OTOG: variants seen among roughly 807,000 people sequenced by gnomAD.
The protein encoded by OTOG is otogelin.
OTOG carries 296 observed loss-of-function variants against 313.8 expected under a neutral mutation model. The ratio of observed to expected loss-of-function variants is 0.94; its 90% CI spans 0.86 to 1.04. OTOG has a LOEUF of 1.04. Ranked by LOEUF, OTOG falls within the 50% of genes least tolerant of loss-of-function variation. The pLI is 0.00. For missense variants in OTOG, 3,948 were observed against 3,840.1 expected, an observed-to-expected ratio of 1.03 and a Z score of -0.74; for synonymous variants, 1,533 against 1,554.9, an observed-to-expected ratio of 0.99 and a Z score of 0.33.
At position 17,613,366 on chromosome 11, in the gene OTOG, T is replaced by TTCCC. The variant is rs1206536225; in HGVS notation, c.6439-243_6439-242insCTCC. ...CTTCCTTCCTTCCTTCCTTCCTTCCTTCCTTCCCTCCTTCCTTCCTTCCTT... is the reference window on the plus strand; with the variant it reads ...CTTCCTTCCTTCCTTCCTTCCTTCCTTCCCTCCTTCCCTCCTTCCTTCCTTCCTT... On this transcript the variant is annotated intron_variant, in intron 38 of 55. Transcript: ENST00000399397. 4.8e-3 allele frequency among the ~76,000 whole-genome samples: 478 copies of TTCCC among 98,606 alleles called. 14 individuals are homozygous for TTCCC. The highest frequency in any genetic ancestry group is 0.015 in the African/African-American group (432 of 28,268). The allele number at this position is 98,606 out of a possible 152,430, so 64.7% of individuals were successfully genotyped here.
intron 36 of OTOG, among the ~76,000 whole-genome samples, chr11:17,611,748 C>T (rs1333415713): frequency 2.6e-5 from 4 of 152,076 alleles, no homozygotes; most frequent in African/African-American, 7.2e-5. Flanking sequence ...TCTGCATGTG[C>T]TCTTGTGTGT....
Position 17,634,130 on chromosome 11 carries a change from C to A in OTOG, c.7329C>A (p.Ser2443Arg). ...GGGAGACCTGGAACAGCTCCCTCAG[C>A]GGCTGCTGCCAGCACCAGTGCCAAG... ...ALGETWNSSLSGCCQHQCQAP... is the reference protein window; with the variant it reads ...ALGETWNSSLRGCCQHQCQAP... The change falls in exon 44 of 56, where the codon AGC becomes AGA. Residue 2443 changes from serine to arginine, a missense_variant. Ser to Arg is a moderately radical substitution (Grantham distance 110). Transcript: ENST00000399397. 6.5e-7 allele frequency: 1 copy of A among 1,549,290 alleles called. No homozygotes were observed. The highest frequency in any genetic ancestry group is 2.4e-5 in the East Asian group (1 of 40,894).
chr11:17,551,263 G>A (rs1005067333), intron 3 of OTOG, among the ~76,000 whole-genome samples: 7 of 152,170 alleles, frequency 4.6e-5, no homozygotes, highest in African/African-American at 1.7e-4. Context: ...GGAGTTCTGA[G>A]AGGGCTGGTG....
intron 28 of OTOG, among the ~76,000 whole-genome samples, chr11:17,595,286 A>G (rs1425462466): frequency 6.6e-6 from 1 of 152,218 alleles, no homozygotes; most frequent in Non-Finnish European, 1.5e-5. Context: ...ACCCCCATGT[A>G]CATCATATTT....
At position 17,628,294 on chromosome 11, in the gene OTOG, T is replaced by C. The variant is rs544857204; in HGVS notation, c.6529-839T>C. ...CATTTGTTTCAAGAAAAGTTTCAGT[T>C]TTTTTCATAATTTTTTTATTGACCC... On this transcript the variant is annotated intron_variant, in intron 39 of 55. Transcript: ENST00000399397. Among the ~76,000 whole-genome samples the C allele has an allele frequency of 2.5e-4, 38 of 152,316 alleles. No individual in the cohort carries two copies. In the South Asian group the frequency reaches 7.2e-3, roughly 29 times the overall value.
In OTOG at chr11:17,633,815, C is replaced by T; in HGVS notation, c.7208C>T (p.Ser2403Phe). ...CQVLGEGCVC[S>F]EGTILHRRHS... Reference sequence around the variant, plus strand: ...GTGCTGGGCGAGGGCTGCGTCTGCTCCGAGGGCACCATCTTACACCGGCGC... The same window carrying T: ...GTGCTGGGCGAGGGCTGCGTCTGCTTCGAGGGCACCATCTTACACCGGCGC... Residue 2403 changes from serine to phenylalanine, a missense_variant, in exon 43 of 56, where the codon TCC (serine) becomes TTC (phenylalanine). By Grantham distance (155) the Ser-to-Phe change is radical (BLOSUM62 -2). Transcript: ENST00000399397. 2 of 1,550,218 alleles carry T rather than the reference C, an allele frequency of 1.3e-6. No individual in the cohort carries two copies. The highest frequency in any genetic ancestry group is 8.7e-7 in the Non-Finnish European group (1 of 1,146,922).
In OTOG at chr11:17,559,643, C is replaced by T. The variant is rs571886426; in HGVS notation, c.1323C>T (p.Asp441=). ...TGGACAGTGAGATCGCCTGTGTGGACGGCTGCTATTGCCCCAATGGTATGC... is the reference window on the plus strand; with the variant it reads ...TGGACAGTGAGATCGCCTGTGTGGATGGCTGCTATTGCCCCAATGGTATGC... The part of the protein sequence containing the change: ...SCVDSEIACV[D]GCYCPNGLIF... The change falls in exon 12 of 56, where the codon GAC becomes GAT. Residue 441 remains aspartate (D), a synonymous_variant. Coordinates refer to ENST00000399397, the MANE Select transcript of OTOG (RefSeq NM_001292063.2). The T allele has an allele frequency of 1.7e-4, 269 of 1,550,782 alleles. No homozygotes were observed. Among genetic ancestry groups the T allele is most frequent in the African/African-American group, 1.2e-3 (88 of 73,158 alleles).
At chr11:17,613,237 TTCTTTCTTTC>T (rs1565118939) in intron 38 of OTOG, among the ~76,000 whole-genome samples, 36 of 128,226 alleles carry the variant, frequency 2.8e-4, no homozygotes, top group Admixed American at 1.0e-3. Context: ...CTTTCTTTCT[TTCTTTCTTTC>T]TTTCTTTCTT....
rs752751729 is a variant in OTOG at position 17,558,277 on chromosome 11, C to T, written c.958C>T (p.Arg320Cys). ...AGGGCCCACAACTTCCTCCCTGCCT[C>T]GCCCACCGTGCCTACAGCAGAACCC... ...PPGPTTSSLPRPPCLQQNPGT... is the reference protein window; with the variant it reads ...PPGPTTSSLPCPPCLQQNPGT... Residue 320 changes from arginine (R) to cysteine (C), a missense_variant, in exon 9 of 56, where the codon CGC becomes TGC. By Grantham distance (180) the Arg-to-Cys change is radical. Coordinates refer to ENST00000399397, the MANE Select transcript of OTOG (RefSeq NM_001292063.2). 1.2e-5 allele frequency: 19 copies of T among 1,550,814 alleles called. No individual in the cohort carries two copies. The highest frequency in any genetic ancestry group is 1.2e-5 in the Non-Finnish European group (14 of 1,147,050).
intron 31 of OTOG, among the ~76,000 whole-genome samples, chr11:17,600,055 C>T (rs530950285): frequency 6.6e-6 from 1 of 152,376 alleles, no homozygotes; most frequent in South Asian, 2.1e-4. Flanking sequence ...ACCTTGGGTT[C>T]CCCGAAGATT....
intron 24 of OTOG, among the ~76,000 whole-genome samples, chr11:17,589,443 C>T (rs887975305): frequency 6.6e-6 from 1 of 152,180 alleles, no homozygotes; most frequent in African/African-American, 2.4e-5. Flanking sequence ...GCCCGTACAA[C>T]AGATGAACTA....
chr11:17,629,066 A>T (rs1590053589), intron 39 of OTOG, 67 bp from the exon 40 acceptor site: 4 of 1,409,920 alleles, frequency 2.8e-6, no homozygotes, highest in Non-Finnish European at 3.9e-6. Context: ...ATGGACGGAC[A>T]GATGGATGGA....
At chr11:17,640,256 T>C (rs1287441515) in intron 49 of OTOG, among the ~76,000 whole-genome samples, 1 of 152,160 alleles carries the variant, frequency 6.6e-6, no homozygotes, top group African/African-American at 2.4e-5. Flanking sequence ...GTTAAGGTCA[T>C]GAAGCTAGTA....
intron 55 of OTOG, 46 bp from the exon 56 acceptor site, chr11:17,645,698 G>C (rs559909426): frequency 1.3e-6 from 2 of 1,550,678 alleles, no homozygotes; most frequent in Non-Finnish European, 1.7e-6. Context: ...GAGGGGGTTT[G>C]GGGGTGTGAG....
At chr11:17,638,915 G>C (rs1478751337) in intron 48 of OTOG, 5 of 595,570 alleles carry the variant, frequency 8.4e-6, no homozygotes, top group Non-Finnish European at 1.3e-5. Flanking sequence ...GGCCAAGACG[G>C]TGAAACCCTG....
In OTOG at chr11:17,629,375, C is replaced by T. The variant is rs1854061664; in HGVS notation, c.6712+59C>T. On this transcript the variant is annotated intron_variant, in intron 40 of 55. Coordinates refer to ENST00000399397, the MANE Select transcript of OTOG (RefSeq NM_001292063.2). The stretch of plus-strand genomic sequence containing the variant: ...CTTCCCAGGTCCACCTCTGCCCCCA[C>T]ACATAATTCCTCCTGGAGCAGGAAA... The T allele has an allele frequency of 4.8e-6, 7 of 1,467,762 alleles. No homozygotes were observed. The Admixed American group carries it at 8.7e-5, about 18-fold the overall frequency. 90.9% of individuals were successfully genotyped at this position (1,467,762 alleles called of 1,614,324 possible). A position where few individuals can be genotyped will look rare whatever the true frequency, so the allele number is the denominator to read the frequency against.
At chr11:17,637,789 A>T (rs1453864889) in intron 47 of OTOG, among the ~76,000 whole-genome samples, 5 of 152,194 alleles carry the variant, frequency 3.3e-5, no homozygotes, top group African/African-American at 7.2e-5. Flanking sequence ...ATTTTTTGGA[A>T]CACCATTTGA....
rs1032716382 is a variant in OTOG at position 17,559,181 on chromosome 11, G to A, written c.1213+20G>A. The A allele has an allele frequency of 7.3e-6, 11 of 1,507,560 alleles. No homozygotes were observed. In the Admixed American group the frequency reaches 2.2e-4, roughly 30 times the overall value. The allele number at this position is 1,507,560 out of a possible 1,614,324, so 93.4% of individuals were successfully genotyped here. On this transcript the variant is annotated intron_variant, in intron 11 of 55. Coordinates refer to ENST00000399397, the MANE Select transcript of OTOG (RefSeq NM_001292063.2). ...AATGCAGTAGGTGCAGCCCAGTAGT[G>A]GGGCAGGGAGGCCTTCAGGCTGTGG...
intron 40 of OTOG, among the ~76,000 whole-genome samples, chr11:17,630,008 C>T (rs574654979): frequency 2.1e-4 from 32 of 152,214 alleles, no homozygotes; most frequent in South Asian, 1.9e-3. Context: ...CACACACCCT[C>T]CATCCTCCAC....
Sources: gnomAD v4.1 joint callset for allele counts (sites outside exome capture counted in the v4.1 genomes callset) on GRCh38, gnomAD v4.1.1 for gene constraint, MANE v1.5 for transcripts, NCBI Gene and HGNC (gene_info 2026-07-23, HGNC 2026-07-21) for gene names.